The following TUBA1B variants were observed in gnomAD, a reference collection of about 807,000 sequenced individuals.
The protein encoded by TUBA1B is tubulin alpha-1B chain.
In TUBA1B, 1 loss-of-function variant was observed where a neutral mutation model predicts 34.4. The observed-to-expected ratio is 0.03, with a 90% CI of 0.01 to 0.14. The LOEUF (loss-of-function observed/expected upper bound fraction) is 0.14. TUBA1B is among the 10% of genes least tolerant of loss of function. The pLI, the probability that TUBA1B is intolerant of heterozygous loss-of-function variation, is 1.00. For synonymous variants in TUBA1B, 197 were observed against 212.5 expected (o/e 0.93, Z 0.64); for missense variants, 54 against 583.6 (o/e 0.09, Z 9.35).
chr12:49,129,111 C>T, intron 3 of TUBA1B, 131 bp downstream of exon 3: 1 of 1,568,916 alleles, frequency 6.4e-7, no homozygotes. Context: ...ATTTAGAAGT[C>T]CAATTAATAT....
intron 1 of TUBA1B, chr12:49,130,386 T>G (rs751362316): frequency 7.8e-7 from 1 of 1,283,766 alleles, no homozygotes; most frequent in South Asian, 1.2e-5. Context: ...CGCGCGCTCT[T>G]GCGCCCCCCG....
rs1703905090 is a variant in TUBA1B, at chr12:49,129,281, C to T, written c.336G>A (p.Lys112=). Residue 112 remains lysine, a synonymous_variant, in exon 3 of 4, where the codon AAG becomes AAA. Coordinates refer to ENST00000336023, the MANE Select transcript of TUBA1B (RefSeq NM_006082.3). Reference sequence around the variant, plus strand: ...GGTCCAACACAAGGTCAATGATCTCCTTGCCAATGGTGTAGTGCCCTCGGG... The same window carrying T: ...GGTCCAACACAAGGTCAATGATCTCTTTGCCAATGGTGTAGTGCCCTCGGG... ...NYARGHYTIG[K]EIIDLVLDRI... 1 of 1,614,240 alleles carries T rather than the reference C, an allele frequency of 6.2e-7. No homozygotes were observed. Among genetic ancestry groups the T allele is most frequent in the Non-Finnish European group, 8.5e-7 (1 of 1,180,046 alleles).
intron 1 of TUBA1B, chr12:49,130,065 A>G: frequency 8.5e-7 from 1 of 1,171,752 alleles, no homozygotes; most frequent in Non-Finnish European, 1.1e-6. Flanking sequence ...TCTAAGATGT[A>G]CTACTTTTGA....
chr12:49,127,868 A>T lies in TUBA1B; in HGVS notation c.*90T>A. 1 of 1,587,296 alleles carries T rather than the reference A, an allele frequency of 6.3e-7. No homozygotes were observed. Among genetic ancestry groups the T allele is most frequent in the East Asian group, 2.2e-5 (1 of 44,756 alleles). On this transcript the variant is annotated 3_prime_UTR_variant, in exon 4 of 4. Transcript: ENST00000336023. ...AAGACATGATCACCAAGTGAAAACA[A>T]TCTAACCAGAAAGCTTTAACGTCTG...
intron 1 of TUBA1B, 110 bp downstream of exon 1, chr12:49,131,188 G>A (rs1941803394): frequency 5.0e-6 from 7 of 1,398,744 alleles, no homozygotes; most frequent in South Asian, 2.5e-5. Flanking sequence ...CCCTCCAAAC[G>A]GACGGCTCTG....
rs968893576 is a variant in TUBA1B at position 49,129,018 on chromosome 12, C to T, written c.376-80G>A. 13 of 1,527,118 alleles carry T rather than the reference C, an allele frequency of 8.5e-6. No homozygotes were observed. The Admixed American group carries it at 1.1e-4, about 13-fold the overall frequency. 94.6% of individuals were successfully genotyped at this position (1,527,118 alleles called of 1,614,324 possible). Reference sequence around the variant, plus strand: ...ATTTCTATTTCAACTTTTTAGATTACGAACCATATCTCACTGATGTAAGCA... The same window carrying T: ...ATTTCTATTTCAACTTTTTAGATTATGAACCATATCTCACTGATGTAAGCA... On this transcript the variant is annotated intron_variant, in intron 3 of 3. Coordinates refer to ENST00000336023, the MANE Select transcript of TUBA1B (RefSeq NM_006082.3).
Position 49,131,345 on chromosome 12 carries a change from G to C in TUBA1B, c.-45C>G, listed in dbSNP as rs1344147959. 2 of 1,608,240 alleles carry C rather than the reference G, an allele frequency of 1.2e-6. No individual in the cohort carries two copies. Among genetic ancestry groups the C allele is most frequent in the East Asian group, 2.2e-5 (1 of 44,766 alleles). ...GCGAAGGCGACAGGAGCAGACACCG[G>C]GTCCCGGTTACCGTCCCCGACAAGC... On this transcript the variant is annotated 5_prime_UTR_variant, in exon 1 of 4. Coordinates refer to ENST00000336023, the MANE Select transcript of TUBA1B (RefSeq NM_006082.3).
Position 49,128,299 on chromosome 12 carries a change from G to A in TUBA1B, c.1015C>T (p.Arg339Cys). The A allele has an allele frequency of 6.2e-7, 1 of 1,614,210 alleles. No homozygotes were observed. Among genetic ancestry groups the A allele is most frequent in the East Asian group, 2.2e-5 (1 of 44,894 alleles). Reference protein sequence around the residue: ...NAAIATIKTKRSIQFVDWCPT... With the variant: ...NAAIATIKTKCSIQFVDWCPT... ...CACCAATCCACAAACTGGATGCTGC[G>A]CTTGGTTTTGATGGTGGCAATGGCA... The change falls in exon 4 of 4, where the codon CGC (arginine) becomes TGC (cysteine). Residue 339 changes from arginine to cysteine, a missense_variant. Around this residue, in one of 3 missense-constraint regions of TUBA1B, gnomAD observed 20 missense variants for 362.8 expected, o/e 0.06. Coordinates refer to ENST00000336023, the MANE Select transcript of TUBA1B (RefSeq NM_006082.3). The surrounding 1 kb of genome is among the most constrained non-coding windows in gnomAD (Gnocchi z 8.1).
At position 49,131,036 on chromosome 12, in the gene TUBA1B, T is replaced by G. The variant is rs137953577; in HGVS notation, c.3+262A>C. 1,350 of 460,424 alleles carry G rather than the reference T, an allele frequency of 2.9e-3. 10 individuals are homozygous for G. Among genetic ancestry groups the G allele is most frequent in the African/African-American group, 0.024 (1,200 of 50,756 alleles). 28.5% of individuals were successfully genotyped at this position (460,424 alleles called of 1,614,324 possible). A position where few individuals can be genotyped will look rare whatever the true frequency, so the allele number is the denominator to read the frequency against. On this transcript the variant is annotated intron_variant, in intron 1 of 3. Coordinates refer to ENST00000336023, the MANE Select transcript of TUBA1B (RefSeq NM_006082.3). ...TTACGCGACAAAAGAGAGCTCCGGA[T>G]ACGGCGGAGGGCAGCCCGAGCCCCC...
intron 1 of TUBA1B, chr12:49,130,515 T>C (rs1287301818): frequency 2.5e-6 from 1 of 400,486 alleles, no homozygotes; most frequent in Non-Finnish European, 4.6e-6. Flanking sequence ...CTGAGCGCAG[T>C]AGGAGATTAT....
At chr12:49,129,430 A>T (rs779884114) in intron 2 of TUBA1B, 40 bp from the exon 3 acceptor site, 3 of 1,613,936 alleles carry the variant, frequency 1.9e-6, no homozygotes, top group Non-Finnish European at 2.5e-6. Flanking sequence ...TGAGTGAGTG[A>T]CAAGAGAAGC....
Position 49,128,198 on chromosome 12 carries a change from C to T in TUBA1B, c.1116G>A (p.Gln372=), listed in dbSNP as rs747103922. The T allele has an allele frequency of 1.9e-6, 3 of 1,614,216 alleles. No homozygotes were observed. Among genetic ancestry groups the T allele is most frequent in the Non-Finnish European group, 2.5e-6 (3 of 1,180,040 alleles). ...TGTTGCTCAGCATGCACACAGCTCTCTGTACCTTGGCCAGGTCTCCACCAG... is the reference window on the plus strand; with the variant it reads ...TGTTGCTCAGCATGCACACAGCTCTTTGTACCTTGGCCAGGTCTCCACCAG... ...VVPGGDLAKV[Q]RAVCMLSNTT... Residue 372 remains glutamine (Q), a synonymous_variant, in exon 4 of 4, where the codon CAG becomes CAA. Transcript: ENST00000336023. This position sits in a 1 kb window ranked among gnomAD's most constrained non-coding sequence, Gnocchi z 8.1.
chr12:49,131,362 C>G lies in TUBA1B; in HGVS notation c.-62G>C, dbSNP rs1279213449. 1.9e-6 allele frequency: 3 copies of G among 1,595,996 alleles called. No homozygotes were observed. The highest frequency in any genetic ancestry group is 2.2e-5 in the East Asian group (1 of 44,538). ...AGACACCGGGTCCCGGTTACCGTCC[C>G]CGACAAGCTAAGAGTCGAGGTAAGT... On this transcript the variant is annotated 5_prime_UTR_variant, in exon 1 of 4. Coordinates refer to ENST00000336023, the MANE Select transcript of TUBA1B (RefSeq NM_006082.3).
rs1941763495 is a variant in TUBA1B, at chr12:49,127,806, G to A, written c.*152C>T. 3.2e-6 allele frequency: 4 copies of A among 1,249,576 alleles called. No individual in the cohort carries two copies. In the South Asian group the frequency reaches 5.9e-5, roughly 19 times the overall value. 77.4% of individuals were successfully genotyped at this position (1,249,576 alleles called of 1,614,324 possible). A position where few individuals can be genotyped will look rare whatever the true frequency, so the allele number is the denominator to read the frequency against. ...CTTTTGATGTTAATGACTTTACTTTGAGATATGATGGAAAAATATTACAGG... is the reference window on the plus strand; with the variant it reads ...CTTTTGATGTTAATGACTTTACTTTAAGATATGATGGAAAAATATTACAGG... On this transcript the variant is annotated 3_prime_UTR_variant, in exon 4 of 4. Coordinates refer to ENST00000336023, the MANE Select transcript of TUBA1B (RefSeq NM_006082.3).
intron 1 of TUBA1B, 153 bp downstream of exon 1, chr12:49,131,145 C>T (rs1941802571): frequency 2.2e-6 from 2 of 920,150 alleles, no homozygotes; most frequent in Admixed American, 4.9e-5. Flanking sequence ...GAGGTCTCAC[C>T]ACTCCCGCCC....
rs1177844769 is a variant in TUBA1B, at chr12:49,128,807, G to A, written c.507C>T (p.Phe169=). 1.2e-6 allele frequency: 2 copies of A among 1,613,788 alleles called. No homozygotes were observed. Among genetic ancestry groups the A allele is most frequent in the African/African-American group, 2.7e-5 (2 of 74,796 alleles). The change falls in exon 4 of 4, where the codon TTC becomes TTT. Residue 169 remains phenylalanine, a synonymous_variant. Coordinates refer to ENST00000336023, the MANE Select transcript of TUBA1B (RefSeq NM_006082.3). The surrounding 1 kb of genome is among the most constrained non-coding windows in gnomAD (Gnocchi z 8.1). Reference sequence around the variant, plus strand: ...AAACCTGGGGTGCTGGGTAAATGGAGAACTCCAGCTTGGACTTCTTGCCAT... The same window carrying A: ...AAACCTGGGGTGCTGGGTAAATGGAAAACTCCAGCTTGGACTTCTTGCCAT... ...VDYGKKSKLE[F]SIYPAPQVST...
intron 1 of TUBA1B, 183 bp from the exon 2 acceptor site, chr12:49,129,905 G>A (rs1289786501): frequency 2.6e-6 from 3 of 1,169,860 alleles, no homozygotes; most frequent in Non-Finnish European, 3.5e-6. Context: ...CTCAGCCTCT[G>A]GAGCAGCTGG....
In TUBA1B at chr12:49,127,913, A is replaced by G. The variant is rs1363820552; in HGVS notation, c.*45T>C. ...CGTCTGTCAGTTAAGCTGAAGCTGA[A>G]ATTCTGGGAGCATGACATGCTGCAG... is the stretch of plus-strand genomic sequence containing the variant. On this transcript the variant is annotated 3_prime_UTR_variant, in exon 4 of 4. Transcript: ENST00000336023. 1 of 1,613,736 alleles carries G rather than the reference A, an allele frequency of 6.2e-7. No individual in the cohort carries two copies. The highest frequency in any genetic ancestry group is 1.7e-5 in the Admixed American group (1 of 59,988).
Position 49,129,341 on chromosome 12 carries a change from G to A in TUBA1B, c.276C>T (p.Leu92=). 6.2e-7 allele frequency: 1 copy of A among 1,614,220 alleles called. No individual in the cohort carries two copies. Among genetic ancestry groups the A allele is most frequent in the Non-Finnish European group, 8.5e-7 (1 of 1,180,040 alleles). ...TYRQLFHPEQ[L]ITGKEDAANN... is the part of the protein sequence containing the mutation. ...TGGCAGCATCTTCCTTGCCTGTGAT[G>A]AGCTGCTCAGGGTGGAAGAGCTGGC... The change falls in exon 3 of 4, where the codon CTC becomes CTT. Residue 92 remains leucine, a synonymous_variant. Transcript: ENST00000336023.
Sources: allele counts gnomAD v4.1 joint callset, GRCh38; gene constraint gnomAD v4.1.1; regional missense constraint gnomAD v4.1.1; non-coding constraint Gnocchi (gnomAD v3.1); transcripts MANE v1.5; gene names NCBI Gene and HGNC (gene_info 2026-07-23, HGNC 2026-07-21).